The following RNF169 variants were observed in gnomAD, a reference collection of about 807,000 sequenced individuals.
The protein encoded by RNF169 is ring finger protein 169.
RNF169 carries 24 observed loss-of-function variants against 53.9 expected under a neutral mutation model. That is an observed-to-expected ratio of 0.45 (90% CI 0.32 to 0.63). The LOEUF is 0.63. Ranked by LOEUF, RNF169 falls within the 20% of genes least tolerant of loss-of-function variation. The pLI is 0.04. For synonymous variants in RNF169, 396 were observed against 363.5 expected, an observed-to-expected ratio of 1.09 and a Z score of -1.02; for missense variants, 883 against 906.2, an observed-to-expected ratio of 0.97 and a Z score of 0.33.
chr11:74,824,630 T>A (rs1444547412), intron 4 of RNF169, among the ~76,000 whole-genome samples: 1 of 152,180 alleles, frequency 6.6e-6, no homozygotes, highest in Non-Finnish European at 1.5e-5. Flanking sequence ...ATACCAGATA[T>A]AATAATCATG....
intron 2 of RNF169, 57 bp from the exon 3 acceptor site, chr11:74,810,127 T>C: frequency 6.8e-7 from 1 of 1,464,460 alleles, no homozygotes; most frequent in Non-Finnish European, 9.3e-7. Flanking sequence ...GAGTAAAATA[T>C]GTTTTTAAGT....
At chr11:74,763,991 C>T (rs1380946731) in intron 1 of RNF169, among the ~76,000 whole-genome samples, 2 of 152,248 alleles carry the variant, frequency 1.3e-5, no homozygotes, top group African/African-American at 4.8e-5. Context: ...GCATTACAAG[C>T]GTGAGCCACT....
intron 2 of RNF169, among the ~76,000 whole-genome samples, chr11:74,795,638 A>C (rs1167092664): frequency 6.6e-6 from 1 of 152,166 alleles, no homozygotes; most frequent in Non-Finnish European, 1.5e-5. Context: ...AGGCAGGAGG[A>C]TCTCTTGAGC....
intron 1 of RNF169, among the ~76,000 whole-genome samples, chr11:74,754,926 A>G (rs7108948): frequency 0.019 from 2,870 of 152,260 alleles, 103 homozygotes; most frequent in African/African-American, 0.066. Flanking sequence ...TAGGGTTAAC[A>G]TTTCTGCATT....
chr11:74,765,857 A>C (rs2035166435), intron 1 of RNF169, among the ~76,000 whole-genome samples: 1 of 151,946 alleles, frequency 6.6e-6, no homozygotes, highest in Non-Finnish European at 1.5e-5. Context: ...CCAAGTGGTC[A>C]ACTGAAGAAG....
chr11:74,804,223 A>C (rs988677031), intron 2 of RNF169, among the ~76,000 whole-genome samples: 6 of 151,994 alleles, frequency 3.9e-5, no homozygotes, highest in Non-Finnish European at 7.4e-5. Flanking sequence ...CCTGTGATGG[A>C]ATGGTGTCCA....
At chr11:74,810,397 C>T (rs1344387287) in intron 3 of RNF169, 67 bp downstream of exon 3, 5 of 1,411,602 alleles carry the variant, frequency 3.5e-6, no homozygotes, top group Admixed American at 1.7e-5. Flanking sequence ...GTGACCTGGA[C>T]CTGAAAGACC....
At chr11:74,819,407 A>C (rs552394570) in intron 4 of RNF169, among the ~76,000 whole-genome samples, 2 of 152,232 alleles carry the variant, frequency 1.3e-5, no homozygotes, top group South Asian at 4.2e-4. Flanking sequence ...TTTCTACTGT[A>C]CTCCATACCT....
intron 3 of RNF169, among the ~76,000 whole-genome samples, chr11:74,810,775 A>G (rs772206292): frequency 7.2e-5 from 11 of 152,174 alleles, no homozygotes; most frequent in African/African-American, 2.2e-4. Flanking sequence ...TACTTAGTCT[A>G]TATTCAATTA....
chr11:74,787,518 C>T (rs1328171415), intron 1 of RNF169, among the ~76,000 whole-genome samples: 2 of 152,118 alleles, frequency 1.3e-5, no homozygotes, highest in Non-Finnish European at 2.9e-5. Context: ...GTGAGTAGAT[C>T]GGCTTCTTGG....
At chr11:74,776,511 CAAA>C (rs766527055) in intron 1 of RNF169, among the ~76,000 whole-genome samples, 5 of 82,000 alleles carry the variant, frequency 6.1e-5, no homozygotes, top group South Asian at 4.6e-4. Flanking sequence ...TTCATTCAGC[CAAA>C]AAAAAAAAAA....
At chr11:74,793,077 T>A (rs1466325375) in intron 2 of RNF169, among the ~76,000 whole-genome samples, 7 of 152,212 alleles carry the variant, frequency 4.6e-5, no homozygotes, top group Non-Finnish European at 1.0e-4. Flanking sequence ...TGATACATGC[T>A]ACCACATGGG....
intron 2 of RNF169, among the ~76,000 whole-genome samples, chr11:74,791,230 G>A (rs965684836): frequency 6.6e-6 from 1 of 152,188 alleles, no homozygotes; most frequent in African/African-American, 2.4e-5. Flanking sequence ...GTCTGGCTGA[G>A]TCCAGGGCTT....
rs750026923 is a variant in RNF169 at position 74,835,902 on chromosome 11, G to T, written c.1299G>T (p.Lys433Asn). 6.2e-7 allele frequency: 1 copy of T among 1,614,080 alleles called. No homozygotes were observed. The highest frequency in any genetic ancestry group is 1.3e-5 in the African/African-American group (1 of 74,922). The change falls in exon 6 of 6, where the codon AAG (lysine) becomes AAT (asparagine). Residue 433 changes from lysine to asparagine, a missense_variant. Coordinates refer to ENST00000299563, the MANE Select transcript of RNF169 (RefSeq NM_001098638.2). The stretch of plus-strand genomic sequence containing the variant: ...AGGCCAGTCCACGGATCCTCAAAAA[G>T]TGGGAACAGATCTTTCAGGAGCGGC... Reference protein sequence around the residue: ...SYEASPRILKKWEQIFQERQI... With the variant: ...SYEASPRILKNWEQIFQERQI...
chr11:74,785,254 G>GATATATGTTATATATGTTAGAT (rs2035481576), intron 1 of RNF169, among the ~76,000 whole-genome samples: 4 of 135,708 alleles, frequency 2.9e-5, no homozygotes, highest in East Asian at 2.0e-4. Flanking sequence ...ATATATGTTA[G>GATATATGTTATATATGTTAGAT]ATATATATGT....
At chr11:74,764,732 ATAAT>A (rs1241461397) in intron 1 of RNF169, among the ~76,000 whole-genome samples, 1 of 152,162 alleles carries the variant, frequency 6.6e-6, no homozygotes, top group African/African-American at 2.4e-5. Context: ...ATAAAACAAA[ATAAT>A]TATCACTGAT....
chr11:74,833,402 CATAACT>C (rs1175091955), intron 4 of RNF169, among the ~76,000 whole-genome samples: 2 of 152,222 alleles, frequency 1.3e-5, no homozygotes, highest in African/African-American at 4.8e-5. Context: ...AGATCATCTG[CATAACT>C]ATGTGTCCAC....
chr11:74,839,087 G>T lies in RNF169; in HGVS notation c.*2357G>T, dbSNP rs1400943828. ...TCATTTTAAGAATTGCATAGCAGTT[G>T]TAACAAGTGCAGAATGAAGAACAAA... is the stretch of plus-strand genomic sequence containing the variant. On this transcript the variant is annotated 3_prime_UTR_variant, in exon 6 of 6. Transcript: ENST00000299563. 6.6e-6 allele frequency: 1 copy of T among 152,152 alleles called. No individual in the cohort carries two copies. Among genetic ancestry groups the T allele is most frequent in the African/African-American group, 2.4e-5 (1 of 41,422 alleles). The allele number at this position is 152,152 out of a possible 1,614,324, so 9.4% of individuals were successfully genotyped here. A position where few individuals can be genotyped will look rare whatever the true frequency, so the allele number is the denominator to read the frequency against.
intron 1 of RNF169, among the ~76,000 whole-genome samples, chr11:74,753,160 G>T (rs2034928698): frequency 6.6e-6 from 1 of 152,038 alleles, no homozygotes; most frequent in Admixed American, 6.6e-5. Flanking sequence ...TAGAGACGGG[G>T]TTTCTCCATG....
Sources: allele counts gnomAD v4.1 joint callset (sites outside exome capture counted in the v4.1 genomes callset), GRCh38; gene constraint gnomAD v4.1.1; transcripts MANE v1.5; gene names NCBI Gene and HGNC (gene_info 2026-07-23, HGNC 2026-07-21).